The following PKD1L1 variants were observed in gnomAD, a reference collection of about 807,000 sequenced individuals.
PKD1L1 encodes polycystin 1 like 1, transient receptor potential channel interacting.
Under a neutral mutation model 323.4 loss-of-function variants are expected in PKD1L1, and 236 were observed. The ratio of observed to expected loss-of-function variants is 0.73; its 90% CI spans 0.66 to 0.81. The LOEUF is 0.81. Ranked by LOEUF, PKD1L1 falls within the 40% of genes least tolerant of loss-of-function variation. PKD1L1 has a pLI of 0.00. For synonymous variants in PKD1L1, 1,344 were observed against 1,335.0 expected, an observed-to-expected ratio of 1.01 and a Z score of -0.15; for missense variants, 3,320 against 3,508.0, an observed-to-expected ratio of 0.95 and a Z score of 1.35.
At chr7:47,778,942 T>C (rs1786629834) in intron 56 of PKD1L1, among the ~76,000 whole-genome samples, 1 of 152,228 alleles carries the variant, frequency 6.6e-6, no homozygotes, top group African/African-American at 2.4e-5. Context: ...ATATCGTTTT[T>C]AAAAAATGAT....
At chr7:47,911,857 C>T (rs577523114) in intron 8 of PKD1L1, among the ~76,000 whole-genome samples, 18 of 150,246 alleles carry the variant, frequency 1.2e-4, no homozygotes, top group African/African-American at 4.4e-4. Context: ...ACGCAACACA[C>T]ACACACACAC....
At chr7:47,910,826 T>TTTTTTTTGTGTG (rs762737755) in intron 8 of PKD1L1, among the ~76,000 whole-genome samples, 1 of 126,082 alleles carries the variant, frequency 7.9e-6, no homozygotes, top group African/African-American at 3.3e-5. Context: ...CCAGCTGATT[T>TTTTTTTTGTGTG]TGTGTGTGTG....
chr7:47,794,687 G>A (rs966326792), intron 55 of PKD1L1, among the ~76,000 whole-genome samples: 4 of 152,102 alleles, frequency 2.6e-5, no homozygotes, highest in African/African-American at 9.7e-5. Context: ...CTGTGCACCT[G>A]GAAAAGCCAC....
rs1041198325 is a variant in PKD1L1 at position 47,853,117 on chromosome 7, G to C, written c.4960+10C>G. On this transcript the variant is annotated intron_variant, in intron 31 of 56. Coordinates refer to ENST00000289672, the MANE Select transcript of PKD1L1 (RefSeq NM_138295.5). ...ACAGAAAGGGAAAATAAGGCGCCCT[G>C]TTCACTGACCTTTCTGAGAAGCAGC... is the stretch of plus-strand genomic sequence containing the variant. 1.1e-5 allele frequency: 17 copies of C among 1,585,908 alleles called. No homozygotes were observed. Among genetic ancestry groups the C allele is most frequent in the African/African-American group, 1.3e-5 (1 of 74,262 alleles).
At chr7:47,959,900 T>C in the PKD1L1 span, among the ~76,000 whole-genome samples, 1 of 151,306 alleles carries the variant, frequency 6.6e-6, no homozygotes, top group Non-Finnish European at 1.5e-5. Context: ...CGGGCCATGA[T>C]GACAATGGCG....
At chr7:47,948,260 G>T in intron 1 of PKD1L1, 137 bp downstream of exon 1, 2 of 983,550 alleles carry the variant, frequency 2.0e-6, no homozygotes, top group South Asian at 1.5e-5. Context: ...CCGGCCAAAT[G>T]CACCCTCCTG....
At chr7:47,780,499 G>T (rs1207501139) in intron 56 of PKD1L1, among the ~76,000 whole-genome samples, 22 of 152,110 alleles carry the variant, frequency 1.4e-4, no homozygotes. Context: ...AGGCGTGGTG[G>T]TGTGCACCTG....
the PKD1L1 span, among the ~76,000 whole-genome samples, chr7:47,959,322 A>C: frequency 5.8e-4 from 76 of 129,942 alleles, no homozygotes; most frequent in Middle Eastern, 0.016. Context: ...CTGGCTACCC[A>C]GTCTGGAAAG....
At chr7:47,949,205 C>T (rs1437076883), upstream of PKD1L1, among the ~76,000 whole-genome samples, 6 of 151,660 alleles carry the variant, frequency 4.0e-5, no homozygotes, top group Non-Finnish European at 8.8e-5. Context: ...CCCGTCTCTA[C>T]TAAAAATACA....
intron 56 of PKD1L1, among the ~76,000 whole-genome samples, chr7:47,776,552 T>C (rs1584936750): frequency 2.0e-5 from 3 of 152,298 alleles, no homozygotes; most frequent in East Asian, 1.9e-4. Flanking sequence ...TTTTACTGGA[T>C]TGTGAGATGG....
chr7:47,845,016 C>T lies in PKD1L1; in HGVS notation c.5216G>A (p.Ser1739Asn), dbSNP rs1583615433. 6.2e-7 allele frequency: 1 copy of T among 1,613,864 alleles called. No individual in the cohort carries two copies. Among genetic ancestry groups the T allele is most frequent in the East Asian group, 2.2e-5 (1 of 44,876 alleles). Residue 1739 changes from serine to asparagine, a missense_variant, in exon 33 of 57, where the codon AGT becomes AAT. Coordinates refer to ENST00000289672, the MANE Select transcript of PKD1L1 (RefSeq NM_138295.5). Reference sequence around the variant, plus strand: ...TTACCTCTGTAGCTTGGAAATGTCACTCACTTCAAAACTGGCCTTCAGCTT... The same window carrying T: ...TTACCTCTGTAGCTTGGAAATGTCATTCACTTCAAAACTGGCCTTCAGCTT... ...RRKLKASFEVSDISKLQSHPE... is the reference protein window; with the variant it reads ...RRKLKASFEVNDISKLQSHPE...
Position 47,827,420 on chromosome 7 carries a change from G to A in PKD1L1, c.6784C>T (p.Pro2262Ser), listed in dbSNP as rs1459431542. Reference protein sequence around the residue: ...QARHLRWAHPPSKAQLRGTRQ... With the variant: ...QARHLRWAHPSSKAQLRGTRQ... ...GTGCCCCTCAGCTGGGCCTTGGATG[G>A]TGGATGCGCCCAGCGCAGGTGGCGA... The change falls in exon 45 of 57, where the codon CCA becomes TCA. Residue 2262 changes from proline (P) to serine (S), a missense_variant. Coordinates refer to ENST00000289672, the MANE Select transcript of PKD1L1 (RefSeq NM_138295.5). 6.2e-7 allele frequency: 1 copy of A among 1,613,336 alleles called. No individual in the cohort carries two copies.
At chr7:47,928,961 C>A (rs1036633252) in intron 7 of PKD1L1, among the ~76,000 whole-genome samples, 1 of 152,172 alleles carries the variant, frequency 6.6e-6, no homozygotes, top group African/African-American at 2.4e-5. Flanking sequence ...ACATCTACCT[C>A]ACAAGGCAAG....
intron 24 of PKD1L1, 109 bp from the exon 25 acceptor site, chr7:47,866,723 G>A: frequency 1.2e-6 from 1 of 857,030 alleles, no homozygotes; most frequent in Non-Finnish European, 1.8e-6. Flanking sequence ...TCTTGGACAG[G>A]GCAGGGTAGA....
chr7:47,877,527 G>A lies in PKD1L1; in HGVS notation c.3625C>T (p.His1209Tyr), dbSNP rs769074370. The A allele has an allele frequency of 6.2e-7, 1 of 1,614,026 alleles. No individual in the cohort carries two copies. The highest frequency in any genetic ancestry group is 8.5e-7 in the Non-Finnish European group (1 of 1,179,948). The stretch of plus-strand genomic sequence containing the variant: ...ATGCAGAAGACACTGAAGACGGTGT[G>A]TGCTTCCAGACCATGGTGGGGCTGC... ...QVQPHHGLEA[H>Y]TVFSVFCMSG... Residue 1209 changes from histidine to tyrosine, a missense_variant, in exon 22 of 57, where the codon CAC becomes TAC. Transcript: ENST00000289672.
At chr7:47,874,106 T>A in intron 23 of PKD1L1, 96 bp from the exon 24 acceptor site, 4 of 760,048 alleles carry the variant, frequency 5.3e-6, no homozygotes, top group East Asian at 5.4e-5. Context: ...TGACTAAAAC[T>A]GTGACAAGTG....
At chr7:47,899,781 CCT>C (rs1186383611) in intron 13 of PKD1L1, among the ~76,000 whole-genome samples, 2 of 151,912 alleles carry the variant, frequency 1.3e-5, no homozygotes, top group Non-Finnish European at 2.9e-5. Flanking sequence ...ACGGTGAAAC[CCT>C]GTTTTTACTA....
At chr7:47,880,263 TACATATATATATATATA>T (rs1786513587) in intron 21 of PKD1L1, among the ~76,000 whole-genome samples, 6 of 88,344 alleles carry the variant, frequency 6.8e-5, no homozygotes, top group Admixed American at 1.3e-4. Context: ...TATATATATA[TACATATATATATATATA>T]TATATTTTTT....
At chr7:47,885,610 C>A (rs1209153538) in intron 18 of PKD1L1, 76 bp downstream of exon 18, 24 of 1,528,172 alleles carry the variant, frequency 1.6e-5, no homozygotes, top group Non-Finnish European at 2.0e-5. Flanking sequence ...ACACCTTACC[C>A]ACCAGATTCA....
Sources: allele counts gnomAD v4.1 joint callset (sites outside exome capture counted in the v4.1 genomes callset), GRCh38; gene constraint gnomAD v4.1.1; transcripts MANE v1.5; gene names NCBI Gene and HGNC (gene_info 2026-07-23, HGNC 2026-07-21).